The following PRDM6 variants were observed in gnomAD, a reference collection of about 807,000 sequenced individuals.
The protein encoded by PRDM6 is putative histone-lysine N-methyltransferase PRDM6.
A neutral mutation model predicts 60.8 loss-of-function variants in PRDM6; 25 were observed. That is an observed-to-expected ratio of 0.41 (90% CI 0.30 to 0.57). The LOEUF is 0.57. Among genes scored for constraint, PRDM6 ranks in the 20% least tolerant of loss-of-function variants. The probability of loss-of-function intolerance (pLI) is 0.27; values close to 1 mark genes in which losing one functional copy is unlikely to be tolerated. For synonymous variants in PRDM6, 407 were observed against 357.4 expected (o/e 1.14, Z -1.57); for missense variants, 839 against 821.3 (o/e 1.02, Z -0.26).
chr5:123,103,739 T>G (rs778751659), intron 3 of PRDM6, among the ~76,000 whole-genome samples: 18 of 152,060 alleles, frequency 1.2e-4, no homozygotes, highest in Non-Finnish European at 2.5e-4. Flanking sequence ...AGTGTATACT[T>G]AAAATTCTAC....
rs1766359141 is a variant in PRDM6, at chr5:123,189,367, A to G, written c.*2166A>G. 6.6e-6 allele frequency: 1 copy of G among 152,152 alleles called. No individual in the cohort carries two copies. The highest frequency in any genetic ancestry group is 2.4e-5 in the African/African-American group (1 of 41,432). The allele number at this position is 152,152 out of a possible 1,614,324, so 9.4% of individuals were successfully genotyped here. A position where few individuals can be genotyped will look rare whatever the true frequency, so the allele number is the denominator to read the frequency against. ...TTCTAATTTTTTTTTTCATTTGAAA[A>G]ATCAGCTCAGCCATTTGCCACATTT... On this transcript the variant is annotated 3_prime_UTR_variant, in exon 8 of 8. Transcript: ENST00000407847.
chr5:123,121,890 G>A (rs1421205148), intron 3 of PRDM6, among the ~76,000 whole-genome samples: 1 of 148,934 alleles, frequency 6.7e-6, no homozygotes, highest in East Asian at 2.0e-4. Flanking sequence ...GAGGCTGGGT[G>A]CGGTGGCTCA....
At chr5:123,153,014 T>G (rs1045218158) in intron 3 of PRDM6, among the ~76,000 whole-genome samples, 5 of 152,106 alleles carry the variant, frequency 3.3e-5, no homozygotes, top group African/African-American at 9.7e-5. Context: ...CTCCTATTGA[T>G]AAAAGAGAAA....
chr5:123,118,110 T>C (rs1764498733), intron 3 of PRDM6, among the ~76,000 whole-genome samples: 1 of 152,162 alleles, frequency 6.6e-6, no homozygotes, highest in East Asian at 1.9e-4. Flanking sequence ...ACTGAGGAGA[T>C]GAATGAAGAG....
chr5:123,119,345 C>G, intron 3 of PRDM6, among the ~76,000 whole-genome samples: 2 of 152,168 alleles, frequency 1.3e-5, no homozygotes, highest in East Asian at 3.9e-4. Context: ...GAGAAGAGGA[C>G]GTGGGCAAAA....
chr5:123,153,725 T>C (rs1765428446), intron 3 of PRDM6, among the ~76,000 whole-genome samples: 1 of 152,112 alleles, frequency 6.6e-6, no homozygotes, highest in South Asian at 2.1e-4. Context: ...AACAAGAGTG[T>C]AGGGGGAAAC....
chr5:123,120,588 G>A (rs899037549), intron 3 of PRDM6, among the ~76,000 whole-genome samples: 43 of 152,156 alleles, frequency 2.8e-4, no homozygotes, highest in African/African-American at 8.9e-4. Context: ...CTCACCATCC[G>A]GAGGCAAACT....
In PRDM6 at chr5:123,099,470, G is replaced by A. The variant is rs996750684; in HGVS notation, c.593-184G>A. 6.6e-6 allele frequency among the ~76,000 whole-genome samples: 1 copy of A among 152,128 alleles called. No individual in the cohort carries two copies. Among genetic ancestry groups the A allele is most frequent in the African/African-American group, 2.4e-5 (1 of 41,430 alleles). The stretch of plus-strand genomic sequence containing the variant: ...TGGGTGCGGCGAATTCCAAGGGAGC[G>A]GCGCGGGTTCTCTTCTCCTCCTCCT... On this transcript the variant is annotated intron_variant, in intron 2 of 7. Transcript: ENST00000407847. The surrounding 1 kb of genome is among the most constrained non-coding windows in gnomAD (Gnocchi z 4.0).
chr5:123,150,988 T>A (rs1765357871), intron 3 of PRDM6, among the ~76,000 whole-genome samples: 1 of 152,256 alleles, frequency 6.6e-6, no homozygotes, highest in South Asian at 2.1e-4. Context: ...TTGCGTTTAG[T>A]GGTAATTTCT....
In PRDM6 at chr5:123,180,217, C is replaced by T. The variant is rs1766115741; in HGVS notation, c.1567C>T (p.His523Tyr). 6.4e-7 allele frequency: 1 copy of T among 1,551,918 alleles called. No homozygotes were observed. The highest frequency in any genetic ancestry group is 2.0e-5 in the Admixed American group (1 of 50,992). The change falls in exon 7 of 8, where the codon CAC (histidine) becomes TAC (tyrosine). Residue 523 changes from histidine (H) to tyrosine (Y), a missense_variant. Transcript: ENST00000407847. ...PSELRNHVVT[H>Y]SSDRPFKCGY... ...AGAACTGAGGAACCACGTGGTCACT[C>T]ACTCTAGTGACCGGCCTTTCAAGTG... is the stretch of plus-strand genomic sequence containing the variant.
At chr5:123,130,151 C>G (rs186774761) in intron 3 of PRDM6, among the ~76,000 whole-genome samples, 1 of 20,700 alleles carries the variant, frequency 4.8e-5, no homozygotes, top group Non-Finnish European at 8.5e-5. Context: ...TCTCCCCTTC[C>G]CTCCCCTCCC....
At chr5:123,147,942 T>C (rs75074028) in intron 3 of PRDM6, among the ~76,000 whole-genome samples, 2,207 of 152,300 alleles carry the variant, frequency 0.014, 42 homozygotes, top group African/African-American at 0.046. Context: ...AGTCCCCATG[T>C]CATAATCCTC....
At chr5:123,107,689 T>C (rs571364991) in intron 3 of PRDM6, among the ~76,000 whole-genome samples, 2 of 152,378 alleles carry the variant, frequency 1.3e-5, no homozygotes, top group South Asian at 4.1e-4. Flanking sequence ...AGAAAATTGT[T>C]TAACACAGTG....
At chr5:123,122,042 A>T (rs1334257760) in intron 3 of PRDM6, among the ~76,000 whole-genome samples, 1 of 151,300 alleles carries the variant, frequency 6.6e-6, no homozygotes, top group African/African-American at 2.4e-5. Flanking sequence ...GGGCGCCTGT[A>T]ATCCCAGCTA....
At position 123,188,148 on chromosome 5, in the gene PRDM6, C is replaced by A. The variant is rs542038256; in HGVS notation, c.*947C>A. 3 of 152,238 alleles carry A rather than the reference C, an allele frequency of 2.0e-5. No individual in the cohort carries two copies. Among genetic ancestry groups the A allele is most frequent in the Admixed American group, 1.3e-4 (2 of 15,292 alleles). The allele number at this position is 152,238 out of a possible 1,614,324, so 9.4% of individuals were successfully genotyped here. On this transcript the variant is annotated 3_prime_UTR_variant, in exon 8 of 8. Coordinates refer to ENST00000407847, the MANE Select transcript of PRDM6 (RefSeq NM_001136239.4). ...AGTGCCAAACCCCATCGTCAAGGCC[C>A]TTTTAGCAATTTTATCTTTCTTCCT...
intron 2 of PRDM6, among the ~76,000 whole-genome samples, chr5:123,096,885 G>A (rs1240177489): frequency 2.0e-5 from 3 of 152,172 alleles, no homozygotes. Context: ...GTCTATGGAG[G>A]TAGTGGCTGG....
chr5:123,159,722 T>C, intron 5 of PRDM6, 84 bp downstream of exon 5: 1 of 1,326,376 alleles, frequency 7.5e-7, no homozygotes, highest in Admixed American at 2.1e-5. Context: ...TTGAAACTCA[T>C]GAAACGTGGT....
rs563315213 is a variant in PRDM6, at chr5:123,153,596, G to T, written c.901-2288G>T. On this transcript the variant is annotated intron_variant, in intron 3 of 7. Transcript: ENST00000407847. ...CATGTGCTACATTGTGTGATATTTGGGAAAAGCCTGACAAATAGCCTTTTA... is the reference window on the plus strand; with the variant it reads ...CATGTGCTACATTGTGTGATATTTGTGAAAAGCCTGACAAATAGCCTTTTA... Among the ~76,000 whole-genome samples, 341 of 152,232 alleles carry T rather than the reference G, an allele frequency of 2.2e-3. 3 individuals are homozygous for T. Among genetic ancestry groups the T allele is most frequent in the Non-Finnish European group, 3.4e-3 (233 of 68,012 alleles).
chr5:123,132,866 G>A (rs1157571742), intron 3 of PRDM6, among the ~76,000 whole-genome samples: 2 of 151,756 alleles, frequency 1.3e-5, no homozygotes. Context: ...TTCCTATTTT[G>A]CCAGGATGTA....
Sources: gnomAD v4.1 joint callset for allele counts (sites outside exome capture counted in the v4.1 genomes callset) on GRCh38, gnomAD v4.1.1 for gene constraint, Gnocchi (gnomAD v3.1) non-coding constraint, MANE v1.5 for transcripts, NCBI Gene and HGNC (gene_info 2026-07-23, HGNC 2026-07-21) for gene names.